The following PCSK9 variants were observed in gnomAD, a reference collection of about 807,000 sequenced individuals.
PCSK9 encodes proprotein convertase subtilisin/kexin type 9, also known as convertase subtilisin/kexin type 9 preproprotein.
PCSK9 carries 57 observed loss-of-function variants against 62.1 expected under a neutral mutation model. That is an observed-to-expected ratio of 0.92 (90% CI 0.74 to 1.14). The LOEUF (loss-of-function observed/expected upper bound fraction) is 1.14. Ranked by LOEUF, PCSK9 falls within the 50% of genes most tolerant of loss-of-function variation. The probability of loss-of-function intolerance (pLI) is 0.00; values close to 1 mark genes in which losing one functional copy is unlikely to be tolerated. For synonymous variants in PCSK9, 387 were observed against 409.4 expected, an observed-to-expected ratio of 0.95 and a Z score of 0.66; for missense variants, 870 against 959.8, an observed-to-expected ratio of 0.91 and a Z score of 1.24.
chr1:55,045,810 A>G (rs1040080929), intron 2 of PCSK9, among the ~76,000 whole-genome samples: 3 of 151,832 alleles, frequency 2.0e-5, no homozygotes, highest in Non-Finnish European at 4.4e-5. Context: ...CCCGGGTTCA[A>G]GCGATTCTCC....
intron 11 of PCSK9, among the ~76,000 whole-genome samples, chr1:55,062,754 C>T (rs986712068): frequency 6.6e-6 from 1 of 152,134 alleles, no homozygotes; most frequent in African/African-American, 2.4e-5. Flanking sequence ...TCAGGTGAGA[C>T]CTGAGGGTCA....
chr1:55,050,889 C>T, intron 3 of PCSK9: 1 of 328,230 alleles, frequency 3.0e-6, no homozygotes, highest in Non-Finnish European at 6.0e-6. Context: ...CTCAAGATGG[C>T]ATCATCTGGA....
At chr1:55,041,676 C>T (rs544043989) in intron 1 of PCSK9, among the ~76,000 whole-genome samples, 2 of 152,268 alleles carry the variant, frequency 1.3e-5, no homozygotes, top group East Asian at 3.9e-4. Context: ...TTCTTTTAGT[C>T]ATGAGAAACT....
At chr1:55,044,876 C>T (rs770256564) in intron 2 of PCSK9, among the ~76,000 whole-genome samples, 59 of 152,158 alleles carry the variant, frequency 3.9e-4, no homozygotes, top group Non-Finnish European at 7.1e-4. Flanking sequence ...GAACAGCTAC[C>T]TCATACCAAG....
At chr1:55,041,677 A>G (rs557085909) in intron 1 of PCSK9, among the ~76,000 whole-genome samples, 84 of 152,328 alleles carry the variant, frequency 5.5e-4, no homozygotes, top group African/African-American at 1.9e-3. Flanking sequence ...TCTTTTAGTC[A>G]TGAGAAACTG....
Position 55,040,981 on chromosome 1 carries a change from T to G in PCSK9, c.207+937T>G, listed in dbSNP as rs1029814654. Among the ~76,000 whole-genome samples, 2 of 152,160 alleles carry G rather than the reference T, an allele frequency of 1.3e-5. No homozygotes were observed. The highest frequency in any genetic ancestry group is 2.9e-5 in the Non-Finnish European group (2 of 68,030). ...GTGTCCCCCAGCTTGGAGTCAGATG[T>G]GGGGTTGAATCTTGGCTTCCTCTCA... On this transcript the variant is annotated intron_variant, in intron 1 of 11. Coordinates refer to ENST00000302118, the MANE Select transcript of PCSK9 (RefSeq NM_174936.4). The surrounding 1 kb of genome is among the most constrained non-coding windows in gnomAD (Gnocchi z 4.1).
rs750429847 is a variant in PCSK9 at position 55,052,784 on chromosome 1, C to A, written c.792C>A (p.Thr264=). Residue 264 remains threonine, a synonymous_variant, in exon 5 of 12, where the codon ACC becomes ACA. Coordinates refer to ENST00000302118, the MANE Select transcript of PCSK9 (RefSeq NM_174936.4). ...AAGGGAAGGGCACGGTTAGCGGCACCCTCATAGGTAAGTGATGGCCCCAGA... is the reference window on the plus strand; with the variant it reads ...AAGGGAAGGGCACGGTTAGCGGCACACTCATAGGTAAGTGATGGCCCCAGA... ...NCQGKGTVSG[T]LIGLEFIRKS... The A allele has an allele frequency of 6.2e-7, 1 of 1,613,102 alleles. No homozygotes were observed. The highest frequency in any genetic ancestry group is 8.5e-7 in the Non-Finnish European group (1 of 1,179,968).
Position 55,040,616 on chromosome 1 carries a change from T to G in PCSK9, c.207+572T>G, listed in dbSNP as rs941972523. On this transcript the variant is annotated intron_variant, in intron 1 of 11. Transcript: ENST00000302118. The surrounding 1 kb of genome is among the most constrained non-coding windows in gnomAD (Gnocchi z 4.1). ...AGGCAATTTCTTTATGACACAGAAC[T>G]CATGCTCTAGTATTCCATCTGTTTC... 1.3e-5 allele frequency among the ~76,000 whole-genome samples: 2 copies of G among 152,110 alleles called. No individual in the cohort carries two copies. Among genetic ancestry groups the G allele is most frequent in the African/African-American group, 2.4e-5 (1 of 41,402 alleles).
intron 8 of PCSK9, 54 bp from the exon 9 acceptor site, chr1:55,058,445 G>A: frequency 6.2e-7 from 1 of 1,611,622 alleles, no homozygotes; most frequent in Non-Finnish European, 8.5e-7. Context: ...AAAGATTTCT[G>A]TGGAGGTCCC....
chr1:55,055,220 A>G (rs915359240), intron 5 of PCSK9, among the ~76,000 whole-genome samples: 8 of 152,170 alleles, frequency 5.3e-5, no homozygotes, highest in Non-Finnish European at 1.2e-4. Context: ...GGGCGGGGCC[A>G]CACAGCTGGT....
intron 5 of PCSK9, among the ~76,000 whole-genome samples, chr1:55,053,080 G>A (rs1008868812): frequency 7.2e-5 from 11 of 152,090 alleles, no homozygotes; most frequent in Non-Finnish European, 4.4e-5. Flanking sequence ...TTTAAAATCC[G>A]GTGATGTCTT....
intron 10 of PCSK9, among the ~76,000 whole-genome samples, chr1:55,061,170 T>A (rs1644756016): frequency 6.6e-6 from 1 of 152,152 alleles, no homozygotes; most frequent in South Asian, 2.1e-4. Flanking sequence ...TGAATGGCTC[T>A]CCCAAGGTCA....
chr1:55,058,404 C>T, intron 8 of PCSK9, 95 bp from the exon 9 acceptor site: 1 of 1,581,802 alleles, frequency 6.3e-7, no homozygotes, highest in Non-Finnish European at 8.7e-7. Flanking sequence ...TGAGTATGTT[C>T]TTTAAGCCCT....
Position 55,057,416 on chromosome 1 carries a change from T to A in PCSK9, c.1082T>A (p.Leu361His), listed in dbSNP as rs1390475114. 1.2e-6 allele frequency: 2 copies of A among 1,614,026 alleles called. No homozygotes were observed. Among genetic ancestry groups the A allele is most frequent in the East Asian group, 2.2e-5 (1 of 44,894 alleles). ...LGTNFGRCVD[L>H]FAPGEDIIGA... The stretch of plus-strand genomic sequence containing the variant: ...ACCAACTTTGGCCGCTGTGTGGACC[T>A]CTTTGCCCCAGGGGAGGACATCATT... Residue 361 changes from leucine (L) to histidine (H), a missense_variant, in exon 7 of 12, where the codon CTC becomes CAC. Transcript: ENST00000302118.
chr1:55,063,673 C>A lies in PCSK9; in HGVS notation c.*89C>A. The A allele has an allele frequency of 7.1e-7, 1 of 1,416,638 alleles. No individual in the cohort carries two copies. The highest frequency in any genetic ancestry group is 9.5e-7 in the Non-Finnish European group (1 of 1,052,496). The allele number at this position is 1,416,638 out of a possible 1,614,324, so 87.8% of individuals were successfully genotyped here. A position where few individuals can be genotyped will look rare whatever the true frequency, so the allele number is the denominator to read the frequency against. On this transcript the variant is annotated 3_prime_UTR_variant, in exon 12 of 12. Transcript: ENST00000302118. Reference sequence around the variant, plus strand: ...TCCGACTTGTCCCTCTCTCAGCCCTCCATGGCCTGGCACGAGGGGATGGGG... The same window carrying A: ...TCCGACTTGTCCCTCTCTCAGCCCTACATGGCCTGGCACGAGGGGATGGGG...
chr1:55,052,993 G>A (rs887036196), intron 5 of PCSK9, among the ~76,000 whole-genome samples: 1 of 152,184 alleles, frequency 6.6e-6, no homozygotes, highest in Non-Finnish European at 1.5e-5. Flanking sequence ...GGCCCCAAGA[G>A]GGTCATGCAG....
intron 11 of PCSK9, among the ~76,000 whole-genome samples, chr1:55,062,079 C>T (rs551707770): frequency 6.6e-6 from 1 of 152,324 alleles, no homozygotes; most frequent in Admixed American, 6.5e-5. Flanking sequence ...AGCCGTGACC[C>T]AGAGGGGGTG....
chr1:55,053,241 G>A (rs1371098192), intron 5 of PCSK9, among the ~76,000 whole-genome samples: 1 of 152,248 alleles, frequency 6.6e-6, no homozygotes, highest in Non-Finnish European at 1.5e-5. Flanking sequence ...GGCAGATGTG[G>A]TGGAGGAACT....
chr1:55,059,787 C>A, intron 10 of PCSK9, 124 bp downstream of exon 10: 1 of 1,269,562 alleles, frequency 7.9e-7, no homozygotes, highest in South Asian at 1.4e-5. Flanking sequence ...CAGTTCCATA[C>A]TCTGGTTCTG....
Sources: allele counts gnomAD v4.1 joint callset (sites outside exome capture counted in the v4.1 genomes callset), GRCh38; gene constraint gnomAD v4.1.1; non-coding constraint Gnocchi (gnomAD v3.1); transcripts MANE v1.5; gene names NCBI Gene and HGNC (gene_info 2026-07-23, HGNC 2026-07-21).